The following EYS variants were observed in gnomAD, a reference collection of about 807,000 sequenced individuals.
EYS encodes the protein EGF-like photoreceptor maintenance factor, also known as protein eyes shut homolog.
In EYS, 250 loss-of-function variants were observed where a neutral mutation model predicts 282.1. The observed-to-expected ratio is 0.89, with a 90% CI of 0.80 to 0.98. The LOEUF (loss-of-function observed/expected upper bound fraction) is 0.98. Ranked by LOEUF, EYS falls within the 50% of genes least tolerant of loss-of-function variation. The pLI is 0.00. For missense variants in EYS, 4,016 were observed against 3,709.0 expected (o/e 1.08, Z -2.15); for synonymous variants, 1,355 against 1,282.9 (o/e 1.06, Z -1.20).
chr6:64,373,877 T>C (rs751833420), intron 29 of EYS, among the ~76,000 whole-genome samples: 1 of 151,898 alleles, frequency 6.6e-6, no homozygotes, highest in Admixed American at 6.6e-5. Flanking sequence ...CCTGGGACAA[T>C]AGAAGCCGTG....
chr6:64,873,789 T>C (rs116455506), intron 19 of EYS, among the ~76,000 whole-genome samples: 2,612 of 152,116 alleles, frequency 0.017, 76 homozygotes, highest in African/African-American at 0.06. Context: ...AAAAACATCA[T>C]ATTGTGCCTC....
intron 13 of EYS, among the ~76,000 whole-genome samples, chr6:65,036,094 C>T (rs1190188382): frequency 1.3e-5 from 2 of 151,650 alleles, no homozygotes; most frequent in Non-Finnish European, 2.9e-5. Context: ...AACAAGGCTA[C>T]ATTAACCAAA....
intron 36 of EYS, among the ~76,000 whole-genome samples, chr6:63,807,751 A>T (rs1759237428): frequency 6.6e-6 from 1 of 152,124 alleles, no homozygotes; most frequent in African/African-American, 2.4e-5. Context: ...TGCTTCTTAT[A>T]CTTATTTTTT....
intron 8 of EYS, among the ~76,000 whole-genome samples, chr6:65,375,952 T>A (rs1765347631): frequency 6.6e-6 from 1 of 152,038 alleles, no homozygotes; most frequent in Non-Finnish European, 1.5e-5. Flanking sequence ...TGGAAAACAC[T>A]TCAGGATATT....
intron 24 of EYS, 114 bp from the exon 25 acceptor site, chr6:64,593,423 A>C: frequency 4.6e-6 from 3 of 653,078 alleles, no homozygotes; most frequent in South Asian, 3.5e-5. Context: ...TGGATAGCTC[A>C]AATAAAATAT....
chr6:65,430,277 T>G (rs534684839), intron 5 of EYS, among the ~76,000 whole-genome samples: 17 of 152,096 alleles, frequency 1.1e-4, no homozygotes, highest in Middle Eastern at 3.2e-3. Context: ...TGCTGTTCTG[T>G]TAGAGCAGAA....
intron 14 of EYS, among the ~76,000 whole-genome samples, chr6:64,964,825 A>G (rs1236301135): frequency 6.6e-6 from 1 of 152,108 alleles, no homozygotes; most frequent in Admixed American, 6.5e-5. Flanking sequence ...TGAGGTCAGG[A>G]GTTCAAGACC....
chr6:65,154,663 T>C (rs965083813), intron 12 of EYS, among the ~76,000 whole-genome samples: 2 of 151,590 alleles, frequency 1.3e-5, no homozygotes, highest in Non-Finnish European at 3.0e-5. Context: ...AGGATAATCT[T>C]TGAGTAGTCC....
chr6:65,108,967 T>C (rs1163701196), intron 12 of EYS, among the ~76,000 whole-genome samples: 1 of 152,090 alleles, frequency 6.6e-6, no homozygotes. Context: ...GCCATGTGCA[T>C]TAAGCTCTTA....
chr6:65,015,113 A>G (rs1771999615), intron 13 of EYS, among the ~76,000 whole-genome samples: 1 of 152,164 alleles, frequency 6.6e-6, no homozygotes, highest in South Asian at 2.1e-4. Flanking sequence ...TGCAATACCT[A>G]CCTCATTTTA....
intron 39 of EYS, among the ~76,000 whole-genome samples, chr6:63,786,649 A>C (rs1427559624): frequency 6.6e-6 from 1 of 151,968 alleles, no homozygotes; most frequent in African/African-American, 2.4e-5. Context: ...CATGTATACT[A>C]TGTAACAAAC....
intron 35 of EYS, among the ~76,000 whole-genome samples, chr6:63,869,115 C>G (rs1772737827): frequency 6.6e-6 from 1 of 152,126 alleles, no homozygotes; most frequent in African/African-American, 2.4e-5. Flanking sequence ...GGAAAATGTC[C>G]TCTGCTATAG....
chr6:64,661,015 C>T (rs1197761920), intron 22 of EYS, among the ~76,000 whole-genome samples: 2 of 152,158 alleles, frequency 1.3e-5, no homozygotes, highest in African/African-American at 4.8e-5. Context: ...AACCAAAAAG[C>T]ATGTTACTGG....
rs1285268411 is a variant in EYS at position 64,379,135 on chromosome 6, A to C, written c.6078+9555T>G. ...AGTTCTCACCCTCCTTAAATTTTAC[A>C]TTATGATTTTCTTATGTAAGATCAT... On this transcript the variant is annotated intron_variant, in intron 29 of 42. Transcript: ENST00000503581. Among the ~76,000 whole-genome samples, 3 of 152,232 alleles carry C rather than the reference A, an allele frequency of 2.0e-5. No individual in the cohort carries two copies. The East Asian group carries it at 5.8e-4, about 29-fold the overall frequency.
chr6:64,317,679 G>A (rs751609380), intron 29 of EYS, among the ~76,000 whole-genome samples: 1 of 152,066 alleles, frequency 6.6e-6, no homozygotes, highest in Non-Finnish European at 1.5e-5. Context: ...CCTTTACTGG[G>A]TATGTAACCA....
At chr6:64,216,213 C>A (rs1024225532) in intron 31 of EYS, among the ~76,000 whole-genome samples, 1 of 152,042 alleles carries the variant, frequency 6.6e-6, no homozygotes, top group Non-Finnish European at 1.5e-5. Context: ...AGCTAGGAGT[C>A]CAAGAGAAGA....
chr6:64,691,584 G>A (rs1441367865), intron 22 of EYS, among the ~76,000 whole-genome samples: 1 of 152,092 alleles, frequency 6.6e-6, no homozygotes, highest in African/African-American at 2.4e-5. Context: ...CTGAGCTTTG[G>A]AGTATGGATC....
At chr6:63,910,650 A>G (rs1156343911) in intron 35 of EYS, among the ~76,000 whole-genome samples, 2 of 152,202 alleles carry the variant, frequency 1.3e-5, no homozygotes, top group African/African-American at 4.8e-5. Context: ...ATTTCACATT[A>G]ATATCAGGAC....
At position 64,081,844 on chromosome 6, in the gene EYS, T is replaced by G. The variant is rs753391429; in HGVS notation, c.6571+12A>C. ...AACATGACATACAAGAAGTCAAACA[T>G]TTAATACTCACTGTAAAGAATAGTT... is the stretch of plus-strand genomic sequence containing the variant. On this transcript the variant is annotated intron_variant, in intron 32 of 42. Coordinates refer to ENST00000503581, the MANE Select transcript of EYS (RefSeq NM_001142800.2). 1 of 1,489,560 alleles carries G rather than the reference T, an allele frequency of 6.7e-7. No homozygotes were observed. Among genetic ancestry groups the G allele is most frequent in the African/African-American group, 1.4e-5 (1 of 70,964 alleles). The allele number at this position is 1,489,560 out of a possible 1,614,324, so 92.3% of individuals were successfully genotyped here.
Sources: allele counts gnomAD v4.1 joint callset (sites outside exome capture counted in the v4.1 genomes callset), GRCh38; gene constraint gnomAD v4.1.1; transcripts MANE v1.5; gene names NCBI Gene and HGNC (gene_info 2026-07-23, HGNC 2026-07-21).